The following ATP9A variants were observed in gnomAD, a reference collection of about 807,000 sequenced individuals.
The protein encoded by ATP9A is ATPase phospholipid transporting 9A.
In ATP9A, 52 loss-of-function variants were observed where a neutral mutation model predicts 144.1. That is an observed-to-expected ratio of 0.36 (90% CI 0.29 to 0.45). The LOEUF (loss-of-function observed/expected upper bound fraction) is 0.45. Among genes scored for constraint, ATP9A ranks in the 20% least tolerant of loss-of-function variants. The probability of loss-of-function intolerance (pLI) is 1.00; values close to 1 mark genes in which losing one functional copy is unlikely to be tolerated. For missense variants in ATP9A, 947 were observed against 1,392.7 expected (o/e 0.68, Z 5.09); for synonymous variants, 582 against 557.4 (o/e 1.04, Z -0.62).
intron 1 of ATP9A, among the ~76,000 whole-genome samples, chr20:51,760,583 C>T (rs1033675817): frequency 5.3e-5 from 8 of 151,982 alleles, no homozygotes; most frequent in East Asian, 1.9e-4. Flanking sequence ...AAAAATTAGC[C>T]GGGCATACTG....
chr20:51,755,439 A>T (rs2077851625), intron 1 of ATP9A, among the ~76,000 whole-genome samples: 1 of 146,178 alleles, frequency 6.8e-6, no homozygotes, highest in South Asian at 2.2e-4. Flanking sequence ...CATCTCAATT[A>T]AAAAAAAAAA....
intron 15 of ATP9A, among the ~76,000 whole-genome samples, chr20:51,638,917 T>C (rs926234637): frequency 6.6e-6 from 1 of 152,222 alleles, no homozygotes; most frequent in Non-Finnish European, 1.5e-5. Context: ...GGTTTCTTTT[T>C]TCATCATTTT....
At chr20:51,726,780 T>C (rs62226704) in intron 2 of ATP9A, among the ~76,000 whole-genome samples, 10,281 of 151,906 alleles carry the variant, frequency 0.068, 795 homozygotes, top group African/African-American at 0.19. Flanking sequence ...GGTCTCCCTA[T>C]GTTGCCCAGG....
chr20:51,679,415 C>CCATGCTACACCTACACTCAG (rs2077490979), intron 9 of ATP9A, among the ~76,000 whole-genome samples: 1 of 152,110 alleles, frequency 6.6e-6, no homozygotes, highest in Admixed American at 6.5e-5. Flanking sequence ...CATGCTACAC[C>CCATGCTACACCTACACTCAG]CAGGGAGTGC....
chr20:51,666,052 C>A (rs953645531), intron 13 of ATP9A, among the ~76,000 whole-genome samples: 4 of 152,180 alleles, frequency 2.6e-5, no homozygotes, highest in Non-Finnish European at 4.4e-5. Context: ...CTGACAAGTA[C>A]CTGTCTGATA....
chr20:51,641,348 G>A, intron 14 of ATP9A, among the ~76,000 whole-genome samples: 1 of 151,802 alleles, frequency 6.6e-6, no homozygotes, highest in East Asian at 1.9e-4. Context: ...AACAGAGCGA[G>A]ACTGTATCTC....
chr20:51,729,892 C>T lies in ATP9A; in HGVS notation c.155G>A (p.Arg52Lys). 1.1e-5 allele frequency: 17 copies of T among 1,606,838 alleles called. No homozygotes were observed. Among genetic ancestry groups the T allele is most frequent in the Non-Finnish European group, 1.2e-5 (14 of 1,177,882 alleles). The change falls in exon 2 of 28, where the codon AGG becomes AAG. Residue 52 changes from arginine to lysine, a missense_variant. Physicochemically the swap from Arg to Lys is conservative, Grantham distance 26. Transcript: ENST00000338821. ...ATTGTTGATGACATTCCGAGGATAC[C>T]TCTGGTCTCTCTTCTCGGGGTGCCC... is the stretch of plus-strand genomic sequence containing the variant. ...WLGHPEKRDQ[R>K]YPRNVINNQK...
chr20:51,717,500 T>G (rs1453629690), intron 3 of ATP9A, among the ~76,000 whole-genome samples: 1 of 152,134 alleles, frequency 6.6e-6, no homozygotes, highest in African/African-American at 2.4e-5. Flanking sequence ...AAAAAGGGTC[T>G]ACAACGTGGA....
intron 4 of ATP9A, among the ~76,000 whole-genome samples, chr20:51,711,852 ATTTTT>A (rs11469394): frequency 1.7e-5 from 2 of 120,950 alleles, no homozygotes; most frequent in African/African-American, 6.3e-5. Context: ...TTCAATTTCA[ATTTTT>A]TTTTTTTTTT....
intron 15 of ATP9A, among the ~76,000 whole-genome samples, chr20:51,630,861 A>C (rs932816859): frequency 6.6e-6 from 1 of 152,162 alleles, no homozygotes; most frequent in Non-Finnish European, 1.5e-5. Context: ...TGAAACATAC[A>C]GCTTTCTTGC....
chr20:51,614,736 G>A (rs934308208), intron 22 of ATP9A, among the ~76,000 whole-genome samples: 2 of 152,108 alleles, frequency 1.3e-5, no homozygotes, highest in African/African-American at 2.4e-5. Context: ...AATTGGAACC[G>A]AATCAATCTG....
intron 17 of ATP9A, among the ~76,000 whole-genome samples, chr20:51,627,367 C>T (rs887860910): frequency 3.3e-5 from 5 of 152,124 alleles, no homozygotes; most frequent in South Asian, 2.1e-4. Context: ...TCTTGGAGGA[C>T]GTGGCTTTTG....
intron 15 of ATP9A, among the ~76,000 whole-genome samples, chr20:51,637,306 TAAAAAAAAAA>T (rs3029335): frequency 8.9e-5 from 8 of 89,984 alleles, no homozygotes; most frequent in East Asian, 9.8e-4. Flanking sequence ...TCCCTAACAT[TAAAAAAAAAA>T]AAAAAAAAAA....
rs562973367 is a variant in ATP9A, at chr20:51,754,870, T to C, written c.68+13432A>G. ...GGCCCATGCCTGTAATCCCAGCACT[T>C]TGGGAGGCCGAGGTGGATCACTTGA... On this transcript the variant is annotated intron_variant, in intron 1 of 27. Coordinates refer to ENST00000338821, the MANE Select transcript of ATP9A (RefSeq NM_006045.3). 4.0e-5 allele frequency among the ~76,000 whole-genome samples: 6 copies of C among 150,794 alleles called. 1 individual carries two copies. Among genetic ancestry groups the C allele is most frequent in the African/African-American group, 1.2e-4 (5 of 40,816 alleles).
intron 4 of ATP9A, among the ~76,000 whole-genome samples, chr20:51,710,947 A>G (rs991121686): frequency 2.6e-5 from 4 of 152,206 alleles, no homozygotes; most frequent in African/African-American, 7.2e-5. Flanking sequence ...GAAGAGATCC[A>G]CCGCACTCTC....
At chr20:51,631,223 A>G (rs2426321) in intron 15 of ATP9A, among the ~76,000 whole-genome samples, 67,618 of 151,958 alleles carry the variant, frequency 0.44, 15,806 homozygotes, top group East Asian at 0.68. Context: ...CTTAATCACC[A>G]ACAATCTTTT....
At chr20:51,730,450 G>C (rs1424761379) in intron 1 of ATP9A, among the ~76,000 whole-genome samples, 1 of 152,214 alleles carries the variant, frequency 6.6e-6, no homozygotes, top group Non-Finnish European at 1.5e-5. Context: ...CCTGGCGAAA[G>C]ACTGAGACTT....
chr20:51,760,665 G>A (rs983844173), intron 1 of ATP9A, among the ~76,000 whole-genome samples: 2 of 149,630 alleles, frequency 1.3e-5, no homozygotes, highest in Non-Finnish European at 2.9e-5. Flanking sequence ...GGTGGAGGTT[G>A]CAGTGAGCCA....
chr20:51,645,081 C>T (rs1237892890), intron 14 of ATP9A, among the ~76,000 whole-genome samples: 8 of 152,194 alleles, frequency 5.3e-5, no homozygotes, highest in African/African-American at 1.9e-4. Context: ...ATGACAAACG[C>T]TTTTGAGGAA....
Sources: allele counts gnomAD v4.1 joint callset (sites outside exome capture counted in the v4.1 genomes callset), GRCh38; gene constraint gnomAD v4.1.1; transcripts MANE v1.5; gene names NCBI Gene and HGNC (gene_info 2026-07-23, HGNC 2026-07-21).